The following ANO2 variants were observed in gnomAD, a reference collection of about 807,000 sequenced individuals.
ANO2 encodes the protein anoctamin-2.
Under a neutral mutation model 124.2 loss-of-function variants are expected in ANO2, and 101 were observed. That is an observed-to-expected ratio of 0.81 (90% confidence interval 0.69 to 0.96). The LOEUF is 0.96. Ranked by LOEUF, ANO2 falls within the 40% of genes least tolerant of loss-of-function variation. The pLI is 0.00. For missense variants in ANO2, 1,293 were observed against 1,274.5 expected, an observed-to-expected ratio of 1.01 and a Z score of -0.22; for synonymous variants, 486 against 482.5, an observed-to-expected ratio of 1.01 and a Z score of -0.09.
At chr12:5,567,116 C>T (rs1008328513) in intron 23 of ANO2, among the ~76,000 whole-genome samples, 1 of 152,168 alleles carries the variant, frequency 6.6e-6, no homozygotes, top group South Asian at 2.1e-4. Context: ...ACTGGGGACT[C>T]GACTAGGGCT....
intron 3 of ANO2, among the ~76,000 whole-genome samples, chr12:5,890,642 A>G (rs995653549): frequency 5.3e-5 from 8 of 152,246 alleles, no homozygotes; most frequent in African/African-American, 1.7e-4. Flanking sequence ...GAGGCCCATC[A>G]TAAAGGCATG....
chr12:5,874,362 C>T (rs969103926), intron 3 of ANO2, among the ~76,000 whole-genome samples: 16 of 152,204 alleles, frequency 1.1e-4, no homozygotes, highest in Non-Finnish European at 7.3e-5. Context: ...GAAGTCACGT[C>T]CCTTCCTCTC....
chr12:5,723,650 A>G (rs1224204546), intron 14 of ANO2, among the ~76,000 whole-genome samples: 2 of 151,988 alleles, frequency 1.3e-5, no homozygotes, highest in African/African-American at 2.4e-5. Flanking sequence ...TAGAGAAAGA[A>G]AGAGAGAGAG....
chr12:5,936,316 G>A (rs11063932), intron 1 of ANO2, among the ~76,000 whole-genome samples: 4 of 151,846 alleles, frequency 2.6e-5, no homozygotes, highest in African/African-American at 9.7e-5. Flanking sequence ...TTTGACTATC[G>A]GTGTCTCTTC....
intron 14 of ANO2, among the ~76,000 whole-genome samples, chr12:5,648,805 A>G (rs1251885473): frequency 6.6e-6 from 1 of 152,200 alleles, no homozygotes; most frequent in East Asian, 1.9e-4. Context: ...GCAAGAATCC[A>G]GGAGTACTTC....
chr12:5,772,068 C>T (rs1952098818), intron 10 of ANO2, among the ~76,000 whole-genome samples: 1 of 151,994 alleles, frequency 6.6e-6, no homozygotes, highest in Non-Finnish European at 1.5e-5. Context: ...TTGAATATTG[C>T]TTTACTTTTT....
chr12:5,588,253 G>A (rs911435625), intron 20 of ANO2, among the ~76,000 whole-genome samples: 1 of 151,942 alleles, frequency 6.6e-6, no homozygotes, highest in Non-Finnish European at 1.5e-5. Context: ...CCAGAGGCGG[G>A]GGGCAGCTTT....
chr12:5,631,857 C>G (rs1479299697), intron 16 of ANO2, among the ~76,000 whole-genome samples: 1 of 152,078 alleles, frequency 6.6e-6, no homozygotes, highest in Non-Finnish European at 1.5e-5. Context: ...TATAGGTGCT[C>G]TAGGACCAAG....
chr12:5,806,233 T>G, intron 8 of ANO2, 140 bp from the exon 9 acceptor site: 2 of 826,634 alleles, frequency 2.4e-6, no homozygotes, highest in South Asian at 3.7e-5. Flanking sequence ...AAGCATGGCA[T>G]GGTAAGGGGC....
chr12:5,602,487 C>T (rs753466747), intron 19 of ANO2, among the ~76,000 whole-genome samples: 41 of 152,112 alleles, frequency 2.7e-4, no homozygotes, highest in Non-Finnish European at 3.8e-4. Flanking sequence ...CTCCTGGGCT[C>T]AGATGATCCA....
At chr12:5,577,677 A>G (rs1942490837) in intron 22 of ANO2, among the ~76,000 whole-genome samples, 1 of 152,230 alleles carries the variant, frequency 6.6e-6, no homozygotes, top group Admixed American at 6.5e-5. Context: ...CTTGGCTCCA[A>G]GGAAAGATCT....
intron 4 of ANO2, among the ~76,000 whole-genome samples, chr12:5,842,015 G>A (rs1224155648): frequency 6.6e-6 from 1 of 152,072 alleles, no homozygotes; most frequent in Non-Finnish European, 1.5e-5. Flanking sequence ...GACCACAGGT[G>A]CATGCCACCA....
rs528556507 is a variant in ANO2 at position 5,925,674 on chromosome 12, G to A, written c.23-2870C>T. 7.9e-5 allele frequency among the ~76,000 whole-genome samples: 12 copies of A among 152,370 alleles called. No individual in the cohort carries two copies. The highest frequency in any genetic ancestry group is 5.8e-4 in the East Asian group (3 of 5,190). On this transcript the variant is annotated intron_variant, in intron 1 of 24. Transcript: ENST00000682330. This position sits in a 1 kb window ranked among gnomAD's most constrained non-coding sequence, Gnocchi z 4.6. ...AAGGAAAGGCCATCGTACACAGCCC[G>A]TGGAACATGTCACCCATTTGGAAAG...
Position 5,626,964 on chromosome 12 carries a change from T to C in ANO2, c.1816+8188A>G, listed in dbSNP as rs182339984. 5.3e-5 allele frequency among the ~76,000 whole-genome samples: 8 copies of C among 152,310 alleles called. No individual in the cohort carries two copies. In the East Asian group the frequency reaches 5.8e-4, roughly 11 times the overall value. On this transcript the variant is annotated intron_variant, in intron 16 of 24. Coordinates refer to ENST00000682330, the MANE Select transcript of ANO2 (RefSeq NM_001364791.2). The stretch of plus-strand genomic sequence containing the variant: ...GACAGGAAGATATTGGACTTCTTGC[T>C]AACAGAAGAGATGAGTGCTGCAAGG...
chr12:5,722,525 C>A lies in ANO2; in HGVS notation c.1545+9995G>T, dbSNP rs568699430. Among the ~76,000 whole-genome samples the A allele has an allele frequency of 3.5e-4, 53 of 152,192 alleles. No individual in the cohort carries two copies. In the South Asian group the frequency reaches 3.5e-3, roughly 10 times the overall value. On this transcript the variant is annotated intron_variant, in intron 14 of 24. Coordinates refer to ENST00000682330, the MANE Select transcript of ANO2 (RefSeq NM_001364791.2). ...CTCTCAAAAAAATAAAAAATAAAAA[C>A]TAAAAACAGTACTATAGAACATTGA...
At chr12:5,623,945 G>A (rs982270093) in intron 16 of ANO2, among the ~76,000 whole-genome samples, 2 of 152,164 alleles carry the variant, frequency 1.3e-5, no homozygotes, top group Admixed American at 1.3e-4. Context: ...CCATGGGTAG[G>A]GTGGAAATCA....
chr12:5,809,166 G>A (rs918731163), intron 7 of ANO2, among the ~76,000 whole-genome samples: 20 of 152,130 alleles, frequency 1.3e-4, no homozygotes, highest in Admixed American at 6.5e-4. Flanking sequence ...CTGGAGGTTC[G>A]CTAAGCTGCA....
chr12:5,698,323 C>A (rs764198744), intron 14 of ANO2, among the ~76,000 whole-genome samples: 1 of 152,192 alleles, frequency 6.6e-6, no homozygotes, highest in Non-Finnish European at 1.5e-5. Context: ...GCTGGTGATA[C>A]CCAGGCAAAC....
chr12:5,665,548 G>A (rs953300894), intron 14 of ANO2, among the ~76,000 whole-genome samples: 15 of 152,186 alleles, frequency 9.9e-5, no homozygotes, highest in African/African-American at 3.6e-4. Context: ...CCTGTGCTCG[G>A]AGGGATTTTA....
Sources: allele counts gnomAD v4.1 joint callset (sites outside exome capture counted in the v4.1 genomes callset), GRCh38; gene constraint gnomAD v4.1.1; non-coding constraint Gnocchi (gnomAD v3.1); transcripts MANE v1.5; gene names NCBI Gene and HGNC (gene_info 2026-07-23, HGNC 2026-07-21).